CEP63: variants seen among roughly 807,000 people sequenced by gnomAD.
CEP63 encodes the protein centrosomal protein 63, also known as centrosomal protein of 63 kDa.
CEP63 carries 84 observed loss-of-function variants against 89.1 expected under a neutral mutation model. The observed-to-expected ratio is 0.94, with a 90% CI of 0.79 to 1.13. The LOEUF (loss-of-function observed/expected upper bound fraction) is 1.13, where lower values mean the gene tolerates loss of function less well. CEP63 is among the 50% of genes most tolerant of loss of function. The pLI is 0.00. For missense variants in CEP63, 838 were observed against 813.3 expected (o/e 1.03, Z -0.37); for synonymous variants, 267 against 272.5 (o/e 0.98, Z 0.20).
chr3:134,737,525 A>G, the CEP63 span, among the ~76,000 whole-genome samples: 2 of 152,274 alleles, frequency 1.3e-5, no homozygotes, highest in Non-Finnish European at 2.9e-5. Context: ...CAATGCATGT[A>G]CAAAAAGATG....
chr3:134,602,956 T>G, the CEP63 span, among the ~76,000 whole-genome samples: 1 of 152,206 alleles, frequency 6.6e-6, no homozygotes, highest in African/African-American at 2.4e-5. Context: ...CAGCCAGTTG[T>G]GGGTCAGCTG....
chr3:134,504,109 CTCTCT>C (rs1559884433), intron 2 of CEP63, among the ~76,000 whole-genome samples: 2 of 143,986 alleles, frequency 1.4e-5, no homozygotes, highest in African/African-American at 5.3e-5. Flanking sequence ...TTTGGTCTCT[CTCTCT>C]TTTTTTTTTT....
At chr3:134,533,309 C>T (rs900697198) in intron 5 of CEP63, among the ~76,000 whole-genome samples, 1 of 152,182 alleles carries the variant, frequency 6.6e-6, no homozygotes, top group Non-Finnish European at 1.5e-5. Flanking sequence ...AACATGACCA[C>T]TAGTTATAGG....
chr3:134,542,332 T>A (rs1041586566), intron 6 of CEP63, among the ~76,000 whole-genome samples: 1 of 152,236 alleles, frequency 6.6e-6, no homozygotes, highest in African/African-American at 2.4e-5. Flanking sequence ...ATCTGTTGTC[T>A]TGGTAGAATT....
At chr3:134,710,726 C>CT in the CEP63 span, among the ~76,000 whole-genome samples, 10,051 of 132,104 alleles carry the variant, frequency 0.076, 377 homozygotes, top group Middle Eastern at 0.088. Flanking sequence ...CTTTTTCTTT[C>CT]TTTTTTTTTT....
chr3:134,741,910 G>C, the CEP63 span, among the ~76,000 whole-genome samples: 1 of 152,018 alleles, frequency 6.6e-6, no homozygotes, highest in Non-Finnish European at 1.5e-5. Flanking sequence ...ACACTTGGCT[G>C]GAGGAAGACT....
chr3:134,717,388 T>C, the CEP63 span, among the ~76,000 whole-genome samples: 1 of 152,224 alleles, frequency 6.6e-6, no homozygotes, highest in East Asian at 1.9e-4. Context: ...CGTGTGCATG[T>C]GTACACTCAC....
chr3:134,546,005 T>C, intron 7 of CEP63, 144 bp from the exon 8 acceptor site: 1 of 901,456 alleles, frequency 1.1e-6, no homozygotes, highest in Non-Finnish European at 1.7e-6. Context: ...GTAATATTGT[T>C]ACGTAACTTA....
chr3:134,659,976 G>A, the CEP63 span, among the ~76,000 whole-genome samples: 2 of 152,210 alleles, frequency 1.3e-5, no homozygotes, highest in Admixed American at 6.5e-5. Context: ...ACGTGTGCAG[G>A]CACAGGACAA....
chr3:134,606,796 G>A, the CEP63 span, among the ~76,000 whole-genome samples: 10 of 151,726 alleles, frequency 6.6e-5, no homozygotes, highest in South Asian at 2.1e-4. Context: ...GGGAGTCCAC[G>A]GCTCTTCCAG....
chr3:134,701,965 C>T, the CEP63 span, among the ~76,000 whole-genome samples: 1 of 152,088 alleles, frequency 6.6e-6, no homozygotes, highest in African/African-American at 2.4e-5. Flanking sequence ...GGGCTTTGAT[C>T]TAATCTTTGA....
chr3:134,752,507 G>A, the CEP63 span, among the ~76,000 whole-genome samples: 8 of 152,112 alleles, frequency 5.3e-5, no homozygotes, highest in African/African-American at 1.9e-4. Flanking sequence ...ATTTCGCAGC[G>A]GTGGACAGCA....
At chr3:134,548,002 C>T (rs903894350) in intron 9 of CEP63, among the ~76,000 whole-genome samples, 2 of 152,134 alleles carry the variant, frequency 1.3e-5, no homozygotes, top group African/African-American at 4.8e-5. Context: ...CATACCTGTG[C>T]CTTTCTGCAC....
chr3:134,551,104 A>G (rs1577326707), intron 11 of CEP63, among the ~76,000 whole-genome samples: 1 of 152,298 alleles, frequency 6.6e-6, no homozygotes, highest in East Asian at 1.9e-4. Flanking sequence ...TGAAAAGTAC[A>G]CAGACTGGGG....
At chr3:134,720,880 A>G in the CEP63 span, among the ~76,000 whole-genome samples, 1 of 152,128 alleles carries the variant, frequency 6.6e-6, no homozygotes, top group South Asian at 2.1e-4. Flanking sequence ...ATTACTGTAC[A>G]TCGTAGTAAC....
the CEP63 span, among the ~76,000 whole-genome samples, chr3:134,764,652 A>C: frequency 2.3e-3 from 356 of 152,174 alleles, 1 homozygote; most frequent in Non-Finnish European, 4.4e-3. Flanking sequence ...CTAGTCACCA[A>C]ATTAACTTTC....
chr3:134,613,387 G>A, the CEP63 span, among the ~76,000 whole-genome samples: 5 of 152,186 alleles, frequency 3.3e-5, no homozygotes, highest in Non-Finnish European at 7.3e-5. Flanking sequence ...GAGCAGCAGC[G>A]AGAGCCTGCC....
the CEP63 span, chr3:134,607,425 A>G: frequency 5.1e-6 from 5 of 985,498 alleles, no homozygotes; most frequent in South Asian, 1.9e-4. Flanking sequence ...GCCCACCCAC[A>G]GGCACCCTGT....
the CEP63 span, among the ~76,000 whole-genome samples, chr3:134,742,076 CTTAA>C: frequency 6.6e-6 from 1 of 151,856 alleles, no homozygotes; most frequent in South Asian, 2.1e-4. Flanking sequence ...CCATTTATTC[CTTAA>C]TTGAGACAAT....
Sources: allele counts gnomAD v4.1 joint callset (sites outside exome capture counted in the v4.1 genomes callset), GRCh38; gene constraint gnomAD v4.1.1; transcripts MANE v1.5; gene names NCBI Gene and HGNC (gene_info 2026-07-23, HGNC 2026-07-21).